Variants in SDK2 observed in about 807,000 individuals in gnomAD.
SDK2 encodes sidekick cell adhesion molecule 2, also known as protein sidekick-2.
Under a neutral mutation model 253.9 loss-of-function variants are expected in SDK2, and 105 were observed. The ratio of observed to expected loss-of-function variants is 0.41; its 90% CI spans 0.35 to 0.49. SDK2 has a LOEUF of 0.49. Ranked by LOEUF, SDK2 falls within the 20% of genes least tolerant of loss-of-function variation. The probability of loss-of-function intolerance (pLI) is 0.06; values close to 1 mark genes in which losing one functional copy is unlikely to be tolerated. For synonymous variants in SDK2, 1,249 were observed against 1,234.9 expected, an observed-to-expected ratio of 1.01 and a Z score of -0.24; for missense variants, 2,608 against 3,003.0, an observed-to-expected ratio of 0.87 and a Z score of 3.07.
chr17:73,608,616 T>A (rs1022597920), intron 1 of SDK2, among the ~76,000 whole-genome samples: 2 of 152,100 alleles, frequency 1.3e-5, no homozygotes, highest in Non-Finnish European at 2.9e-5. Context: ...ATAATTTTTT[T>A]ATTTTTAGTA....
Position 73,338,977 on chromosome 17 carries a change from C to T in SDK2, c.6166-37G>A, listed in dbSNP as rs551149131. On this transcript the variant is annotated intron_variant, in intron 44 of 44. Coordinates refer to ENST00000392650, the MANE Select transcript of SDK2 (RefSeq NM_001144952.2). This position sits in a 1 kb window ranked among gnomAD's most constrained non-coding sequence, Gnocchi z 5.0. ...GAGAATCAGGGTGTGTCAGTGGCCC[C>T]GTAGGGACAGGCCATTGTGGTTGGG... 9.5e-6 allele frequency: 15 copies of T among 1,579,702 alleles called. No homozygotes were observed. The highest frequency in any genetic ancestry group is 1.1e-5 in the Non-Finnish European group (13 of 1,149,298).
At chr17:73,429,333 C>T (rs978588514) in intron 12 of SDK2, among the ~76,000 whole-genome samples, 9 of 152,176 alleles carry the variant, frequency 5.9e-5, no homozygotes, top group Non-Finnish European at 1.2e-4. Flanking sequence ...AGTCAAAAAT[C>T]TTCTAACTAT....
chr17:73,617,532 C>T (rs1331815947), intron 1 of SDK2, among the ~76,000 whole-genome samples: 4 of 151,874 alleles, frequency 2.6e-5, no homozygotes, highest in Non-Finnish European at 5.9e-5. Flanking sequence ...TTAGAGCTGT[C>T]CTCTGGCTGC....
At chr17:73,551,928 G>A (rs1181431957) in intron 1 of SDK2, among the ~76,000 whole-genome samples, 1 of 152,210 alleles carries the variant, frequency 6.6e-6, no homozygotes, top group Non-Finnish European at 1.5e-5. Flanking sequence ...GGTCAGAGAG[G>A]AGAGGGCACT....
chr17:73,346,346 T>C (rs914019480), intron 44 of SDK2, among the ~76,000 whole-genome samples: 1 of 152,160 alleles, frequency 6.6e-6, no homozygotes, highest in African/African-American at 2.4e-5. Context: ...GATTAGATGG[T>C]GTGTGCCATT....
At chr17:73,483,625 GTATATGTATATATATA>G (rs1229852965) in intron 2 of SDK2, among the ~76,000 whole-genome samples, 20 of 107,408 alleles carry the variant, frequency 1.9e-4, no homozygotes, top group Admixed American at 3.2e-4. Context: ...GTATATATAT[GTATATGTATATATATA>G]TGTGTGTGTG....
At position 73,380,914 on chromosome 17, in the gene SDK2, A is replaced by T; in HGVS notation, c.4742T>A (p.Leu1581His). ...YSMRNLSRPS[L>H]TQYELDNLNK... ...CTTACTGTCCAGCTCGTACTGCGTGAGGCTGGGCCGGCTCAGGTTCCGCAT... is the reference window on the plus strand; with the variant it reads ...CTTACTGTCCAGCTCGTACTGCGTGTGGCTGGGCCGGCTCAGGTTCCGCAT... The change falls in exon 34 of 45, where the codon CTC (leucine) becomes CAC (histidine). Residue 1581 changes from leucine (L) to histidine (H), a missense_variant. Around this residue, in one of 2 missense-constraint regions of SDK2, gnomAD observed 1,103 missense variants for 1,143.9 expected, o/e 0.96. Transcript: ENST00000392650. 7.5e-7 allele frequency: 1 copy of T among 1,340,500 alleles called. No individual in the cohort carries two copies. Among genetic ancestry groups the T allele is most frequent in the Non-Finnish European group, 9.9e-7 (1 of 1,013,134 alleles). 83.0% of individuals were successfully genotyped at this position (1,340,500 alleles called of 1,614,324 possible). A position where few individuals can be genotyped will look rare whatever the true frequency, so the allele number is the denominator to read the frequency against.
chr17:73,529,796 CA>C (rs2064155183), intron 1 of SDK2, among the ~76,000 whole-genome samples: 1 of 152,206 alleles, frequency 6.6e-6, no homozygotes, highest in African/African-American at 2.4e-5. Context: ...TCAGCACCTC[CA>C]GAAGGAACCC....
At chr17:73,551,144 C>T (rs1359903998) in intron 1 of SDK2, among the ~76,000 whole-genome samples, 1 of 152,176 alleles carries the variant, frequency 6.6e-6, no homozygotes, top group Non-Finnish European at 1.5e-5. Context: ...GAGGTGGTAG[C>T]CTGAAGCCAC....
chr17:73,346,974 G>A (rs1394454931), intron 44 of SDK2, among the ~76,000 whole-genome samples: 2 of 152,214 alleles, frequency 1.3e-5, no homozygotes, highest in African/African-American at 4.8e-5. Flanking sequence ...AGGTCGCAAT[G>A]GTGGGGGCTC....
Position 73,358,127 on chromosome 17 carries a change from G to C in SDK2, c.5545C>G (p.Pro1849Ala). Residue 1849 changes from proline to alanine, a missense_variant, in exon 40 of 45, where the codon CCG becomes GCG. Around this residue, in one of 2 missense-constraint regions of SDK2, gnomAD observed 1,103 missense variants for 1,143.9 expected, o/e 0.96. Transcript: ENST00000392650. ...AIAIHWSSGDPGKGPITRYVI... is the reference protein window; with the variant it reads ...AIAIHWSSGDAGKGPITRYVI... ...TAGCGGGTGATGGGCCCTTTGCCCG[G>C]GTCTCCGCTGGACCAGTGAATGGCG... 1 of 1,613,384 alleles carries C rather than the reference G, an allele frequency of 6.2e-7. No individual in the cohort carries two copies. The highest frequency in any genetic ancestry group is 8.5e-7 in the Non-Finnish European group (1 of 1,179,772).
chr17:73,358,863 T>C (rs1351650575), intron 39 of SDK2, among the ~76,000 whole-genome samples: 5 of 152,006 alleles, frequency 3.3e-5, no homozygotes, highest in East Asian at 1.9e-4. Context: ...CTGGGCCCCA[T>C]GCCGCGCTCC....
At chr17:73,462,332 T>C (rs118008737) in intron 3 of SDK2, among the ~76,000 whole-genome samples, 2,946 of 152,228 alleles carry the variant, frequency 0.019, 54 homozygotes, top group Middle Eastern at 0.041. Context: ...GTTGTATGTA[T>C]GCATGTATAT....
chr17:73,462,391 A>G (rs1346885049), intron 3 of SDK2, among the ~76,000 whole-genome samples: 1 of 152,018 alleles, frequency 6.6e-6, no homozygotes, highest in Non-Finnish European at 1.5e-5. Context: ...TACATGTATG[A>G]ATATATTTAT....
At position 73,361,637 on chromosome 17, in the gene SDK2, C is replaced by T. The variant is rs770370842; in HGVS notation, c.5467+47G>A. On this transcript the variant is annotated intron_variant, in intron 39 of 44. Transcript: ENST00000392650. This position sits in a 1 kb window ranked among gnomAD's most constrained non-coding sequence, Gnocchi z 4.1. ...ACCGGGGGCCCCTTCTGACTGGGGA[C>T]GCTGAACCGCCGTGTGGAAGACATG... is the stretch of plus-strand genomic sequence containing the variant. The T allele has an allele frequency of 3.8e-6, 6 of 1,581,000 alleles. No individual in the cohort carries two copies. The highest frequency in any genetic ancestry group is 1.1e-5 in the South Asian group (1 of 88,378).
chr17:73,595,450 G>A (rs1048969314), intron 1 of SDK2, among the ~76,000 whole-genome samples: 2 of 152,150 alleles, frequency 1.3e-5, no homozygotes, highest in African/African-American at 4.8e-5. Context: ...GCTTCCAAGA[G>A]ATCCCACACA....
intron 41 of SDK2, among the ~76,000 whole-genome samples, chr17:73,351,132 G>A (rs1027623751): frequency 1.7e-4 from 25 of 150,478 alleles, no homozygotes; most frequent in Non-Finnish European, 2.1e-4. Flanking sequence ...TTTTTGAGAC[G>A]GAGTTTCACT....
chr17:73,601,149 A>G (rs1248704698), intron 1 of SDK2, among the ~76,000 whole-genome samples: 2 of 151,778 alleles, frequency 1.3e-5, no homozygotes, highest in Non-Finnish European at 2.9e-5. Context: ...CCTCCCGAGT[A>G]GCTGGGAATA....
chr17:73,364,236 A>G (rs747795657), intron 38 of SDK2, among the ~76,000 whole-genome samples: 3 of 152,158 alleles, frequency 2.0e-5, no homozygotes, highest in Admixed American at 1.3e-4. Flanking sequence ...AGGGGTAGAA[A>G]GCTGGCAGGT....
Sources: gnomAD v4.1 joint callset for allele counts (sites outside exome capture counted in the v4.1 genomes callset) on GRCh38, gnomAD v4.1.1 for gene constraint, gnomAD v4.1.1 regional missense constraint, Gnocchi (gnomAD v3.1) non-coding constraint, MANE v1.5 for transcripts, NCBI Gene and HGNC (gene_info 2026-07-23, HGNC 2026-07-21) for gene names.